Variants in RYR2 observed in about 807,000 individuals in gnomAD.
RYR2 encodes the protein cardiac muscle ryanodine receptor-calcium release channel.
In RYR2, 227 loss-of-function variants were observed where a neutral mutation model predicts 601.1. That is an observed-to-expected ratio of 0.38 (90% confidence interval 0.34 to 0.42). The LOEUF is 0.42. RYR2 is among the 10% of genes least tolerant of loss of function. The pLI, the probability that RYR2 is intolerant of heterozygous loss-of-function variation, is 1.00. For missense variants in RYR2, 4,646 were observed against 6,156.5 expected (o/e 0.75, Z 8.21); for synonymous variants, 2,223 against 2,175.1 (o/e 1.02, Z -0.61).
chr1:237,601,773 ATTATG>A lies in RYR2; in HGVS notation c.4597-250_4597-246del, dbSNP rs531806976. Among the ~76,000 whole-genome samples the A allele has an allele frequency of 1.4e-4, 22 of 152,308 alleles. No homozygotes were observed. In the South Asian group the frequency reaches 4.3e-3, roughly 30 times the overall value. ...AAAGAAAATGGAAAAAGTTAGATTAATTATGTATGTTTACTTCTGTTAAATAATGA... is the reference window on the plus strand; with the variant it reads ...AAAGAAAATGGAAAAAGTTAGATTAATATGTTTACTTCTGTTAAATAATGA... On this transcript the variant is annotated intron_variant, in intron 34 of 104. Transcript: ENST00000366574.
At chr1:237,440,799 T>C (rs1173321119) in intron 12 of RYR2, among the ~76,000 whole-genome samples, 5 of 152,126 alleles carry the variant, frequency 3.3e-5, no homozygotes, top group African/African-American at 1.2e-4. Context: ...GGGGACACTA[T>C]TCTGAAATCT....
chr1:237,241,884 G>C (rs1686210567), intron 1 of RYR2, among the ~76,000 whole-genome samples: 1 of 152,174 alleles, frequency 6.6e-6, no homozygotes, highest in Non-Finnish European at 1.5e-5. Context: ...TAGTGAGGAT[G>C]AACAGAGGTC....
intron 22 of RYR2, among the ~76,000 whole-genome samples, chr1:237,506,011 A>C (rs1213464595): frequency 6.6e-6 from 1 of 152,196 alleles, no homozygotes; most frequent in Non-Finnish European, 1.5e-5. Context: ...GATGGACTAT[A>C]ATGTGGGCAC....
chr1:237,325,389 T>C (rs1410728055), intron 2 of RYR2, among the ~76,000 whole-genome samples: 2 of 152,182 alleles, frequency 1.3e-5, no homozygotes, highest in African/African-American at 2.4e-5. Flanking sequence ...TACATGTAAA[T>C]GCATAGAAAA....
chr1:237,791,913 T>TC lies in RYR2; in HGVS notation c.13564-192_13564-191insC, dbSNP rs1285416843. On this transcript the variant is annotated intron_variant, in intron 93 of 104. Coordinates refer to ENST00000366574, the MANE Select transcript of RYR2 (RefSeq NM_001035.3). ...AATTTTTGGTTGAATAAGAATGAAT[T>TC]TTAAAAGTATGTTCATTACTTGCCT... 6 of 595,508 alleles carry TC rather than the reference T, an allele frequency of 1.0e-5. No individual in the cohort carries two copies. The African/African-American group carries it at 1.1e-4, about 11-fold the overall frequency. 36.9% of individuals were successfully genotyped at this position (595,508 alleles called of 1,614,324 possible). A position where few individuals can be genotyped will look rare whatever the true frequency, so the allele number is the denominator to read the frequency against.
chr1:237,727,986 C>G (rs1217177913), intron 76 of RYR2, among the ~76,000 whole-genome samples: 1 of 152,076 alleles, frequency 6.6e-6, no homozygotes, highest in East Asian at 1.9e-4. Flanking sequence ...AGCTACATCT[C>G]TTTTGTGGAA....
At position 237,660,868 on chromosome 1, in the gene RYR2, G is replaced by T. The variant is rs1060500149; in HGVS notation, c.8357G>T (p.Gly2786Val). 5.8e-6 allele frequency: 9 copies of T among 1,544,924 alleles called. No individual in the cohort carries two copies. The highest frequency in any genetic ancestry group is 7.9e-6 in the Non-Finnish European group (9 of 1,142,960). The change falls in exon 56 of 105, where the codon GGC (glycine) becomes GTC (valine). Residue 2786 changes from glycine to valine, a missense_variant. Gly to Val is a moderately radical substitution (Grantham distance 109). Transcript: ENST00000366574. ...TCTTTAAAAACTATGCTGGCTTGGG[G>T]CTGGAGAATTGAAAGAACTCGGGAG... ...KESLKTMLAW[G>V]WRIERTREGD...
intron 35 of RYR2, among the ~76,000 whole-genome samples, chr1:237,608,523 C>CCCCAT (rs752916310): frequency 2.6e-5 from 4 of 151,988 alleles, no homozygotes; most frequent in Non-Finnish European, 5.9e-5. Flanking sequence ...CATAGTGAGA[C>CCCCAT]CCCATCTCTA....
chr1:237,439,366 C>T (rs10925416), intron 12 of RYR2, among the ~76,000 whole-genome samples: 22,964 of 152,086 alleles, frequency 0.15, 1,884 homozygotes, highest in Admixed American at 0.23. Flanking sequence ...AGTCATCGGC[C>T]GGGAGCGGTG....
intron 1 of RYR2, among the ~76,000 whole-genome samples, chr1:237,256,485 T>C (rs10925354): frequency 0.36 from 54,502 of 151,954 alleles, 10,366 homozygotes; most frequent in East Asian, 0.7. Context: ...TACAAAGTCA[T>C]CACCTTCTTG....
chr1:237,494,216 C>A (rs949835259), intron 19 of RYR2, among the ~76,000 whole-genome samples: 1 of 152,062 alleles, frequency 6.6e-6, no homozygotes, highest in Non-Finnish European at 1.5e-5. Flanking sequence ...ACAAGGACGC[C>A]CGTCTGAGTC....
chr1:237,135,505 G>C (rs1450021268), intron 1 of RYR2, among the ~76,000 whole-genome samples: 1 of 151,188 alleles, frequency 6.6e-6, no homozygotes, highest in Non-Finnish European at 1.5e-5. Context: ...GAGTAGCTGG[G>C]ACTGCAGGCA....
chr1:237,289,183 C>T (rs970246245), intron 2 of RYR2, among the ~76,000 whole-genome samples: 1 of 152,230 alleles, frequency 6.6e-6, no homozygotes, highest in East Asian at 1.9e-4. Flanking sequence ...AGGAGCAGTC[C>T]GCTTCCTTCA....
chr1:237,265,617 T>C (rs1237637833), intron 1 of RYR2, among the ~76,000 whole-genome samples: 1 of 152,192 alleles, frequency 6.6e-6, no homozygotes, highest in Admixed American at 6.5e-5. Flanking sequence ...CTACCGCGCC[T>C]GGCCTGCTCA....
chr1:237,611,769 A>G (rs937602269), intron 36 of RYR2, among the ~76,000 whole-genome samples: 3 of 152,176 alleles, frequency 2.0e-5, no homozygotes, highest in African/African-American at 7.2e-5. Context: ...GAAAATAATT[A>G]TTGAAGCCAG....
rs151331534 is a variant in RYR2 at position 237,813,542 on chromosome 1, A to G, written c.14433+4507A>G. Among the ~76,000 whole-genome samples the G allele has an allele frequency of 4.3e-3, 652 of 152,316 alleles. 3 individuals carry two copies. The highest frequency in any genetic ancestry group is 0.015 in the African/African-American group (621 of 41,564). On this transcript the variant is annotated intron_variant, in intron 100 of 104. Transcript: ENST00000366574. Reference sequence around the variant, plus strand: ...AGTTGACCCCATTCAAGTTGTAATCATAGGATCCTTAAACGACTACATTTT... The same window carrying G: ...AGTTGACCCCATTCAAGTTGTAATCGTAGGATCCTTAAACGACTACATTTT...
intron 101 of RYR2, among the ~76,000 whole-genome samples, chr1:237,824,243 A>G (rs1662844841): frequency 6.6e-6 from 1 of 152,208 alleles, no homozygotes; most frequent in Admixed American, 6.5e-5. Flanking sequence ...ATTTCAGGCC[A>G]ATATCCCTGA....
intron 2 of RYR2, among the ~76,000 whole-genome samples, chr1:237,284,943 G>A (rs1000438029): frequency 1.3e-5 from 2 of 152,026 alleles, no homozygotes; most frequent in Non-Finnish European, 2.9e-5. Flanking sequence ...AGTCCTTAGG[G>A]TTTTCAAGGT....
At chr1:237,451,220 A>G (rs1313168420) in intron 14 of RYR2, among the ~76,000 whole-genome samples, 3 of 152,100 alleles carry the variant, frequency 2.0e-5, no homozygotes, top group African/African-American at 4.8e-5. Context: ...ACTATATTGT[A>G]TTCTACGTTC....
Sources: gnomAD v4.1 joint callset for allele counts (sites outside exome capture counted in the v4.1 genomes callset) on GRCh38, gnomAD v4.1.1 for gene constraint, MANE v1.5 for transcripts, NCBI Gene and HGNC (gene_info 2026-07-23, HGNC 2026-07-21) for gene names.